ZNF787: variants seen among roughly 807,000 people sequenced by gnomAD.
The protein encoded by ZNF787 is zinc finger protein 787, also known as TTF-I-interacting peptide 20.
ZNF787 carries 7 observed loss-of-function variants against 16.9 expected under a neutral mutation model. The ratio of observed to expected loss-of-function variants is 0.42; its 90% CI spans 0.24 to 0.78. The LOEUF (loss-of-function observed/expected upper bound fraction) is 0.78, where lower values mean the gene tolerates loss of function less well. Among genes scored for constraint, ZNF787 ranks in the 30% least tolerant of loss-of-function variants. The pLI is 0.30. For missense variants in ZNF787, 551 were observed against 589.3 expected, an observed-to-expected ratio of 0.94 and a Z score of 0.67; for synonymous variants, 345 against 270.9, an observed-to-expected ratio of 1.27 and a Z score of -2.69.
intron 1 of ZNF787, 127 bp from the exon 2 acceptor site, chr19:56,103,354 G>T: frequency 1.3e-6 from 1 of 760,552 alleles, no homozygotes; most frequent in Non-Finnish European, 2.0e-6. Flanking sequence ...AAGGCACACA[G>T]CACCTACCCC....
chr19:56,099,749 G>A (rs369351892), intron 2 of ZNF787, among the ~76,000 whole-genome samples: 26 of 149,986 alleles, frequency 1.7e-4, no homozygotes, highest in South Asian at 1.5e-3. Context: ...GAGAAAGGAC[G>A]AGTCACACAA....
At position 56,087,972 on chromosome 19, in the gene ZNF787, C is replaced by T. The variant is rs1453863265; in HGVS notation, c.*51G>A. 1.5e-5 allele frequency: 20 copies of T among 1,300,120 alleles called. No homozygotes were observed. Among genetic ancestry groups the T allele is most frequent in the Middle Eastern group, 5.9e-4 (2 of 3,378 alleles). The allele number at this position is 1,300,120 out of a possible 1,614,324, so 80.5% of individuals were successfully genotyped here. ...GGTCTCTTGGTCTTGCACGTCGTCG[C>T]TCCCGCCAAGCCCGAGGGGCCCTGC... is the stretch of plus-strand genomic sequence containing the variant. On this transcript the variant is annotated 3_prime_UTR_variant, in exon 3 of 3. Coordinates refer to ENST00000610935, the MANE Select transcript of ZNF787 (RefSeq NM_001002836.4).
At chr19:56,112,727 A>T (rs937545222) in intron 1 of ZNF787, among the ~76,000 whole-genome samples, 2 of 150,416 alleles carry the variant, frequency 1.3e-5, no homozygotes, top group African/African-American at 4.9e-5. Flanking sequence ...TCATCCTCCA[A>T]CCACTGGGCT....
At position 56,111,952 on chromosome 19, in the gene ZNF787, C is replaced by T. The variant is rs1354903126; in HGVS notation, c.-10-8725G>A. 3.3e-5 allele frequency among the ~76,000 whole-genome samples: 5 copies of T among 152,286 alleles called. No individual in the cohort carries two copies. The East Asian group carries it at 9.7e-4, about 29-fold the overall frequency. On this transcript the variant is annotated intron_variant, in intron 1 of 2. Transcript: ENST00000610935. Reference sequence around the variant, plus strand: ...CTGAGTGGAGGCTTCTGAGGACTCACCAGGGTTAAGACGGGTGTTCATTCA... The same window carrying T: ...CTGAGTGGAGGCTTCTGAGGACTCATCAGGGTTAAGACGGGTGTTCATTCA...
intron 2 of ZNF787, among the ~76,000 whole-genome samples, chr19:56,098,500 G>GGCCGCAGGGTGATACA (rs1311197361): frequency 3.2e-4 from 48 of 149,828 alleles, no homozygotes; most frequent in African/African-American, 7.7e-4. Context: ...GGGTGATTAC[G>GGCCGCAGGGTGATACA]GCCGCAGGGT....
rs575980350 is a variant in ZNF787, at chr19:56,118,327, TA to T, written c.-11+2844del. On this transcript the variant is annotated intron_variant, in intron 1 of 2. Transcript: ENST00000610935. ...CTGAACCAGCCAGCAGCCCTGCGTG[TA>T]GGAGTCCTCGTGGACAGTACACCCC... Among the ~76,000 whole-genome samples the T allele has an allele frequency of 8.2e-3, 1,243 of 152,300 alleles. 21 individuals are homozygous for T. Among genetic ancestry groups the T allele is most frequent in the African/African-American group, 0.028 (1,182 of 41,566 alleles).
At chr19:56,112,580 A>G (rs1171005275) in intron 1 of ZNF787, among the ~76,000 whole-genome samples, 2 of 133,486 alleles carry the variant, frequency 1.5e-5, no homozygotes, top group Non-Finnish European at 3.2e-5. Flanking sequence ...CTCGGAAGCA[A>G]CTCCTCCTGG....
chr19:56,103,367 G>A, intron 1 of ZNF787, 140 bp from the exon 2 acceptor site: 1 of 673,762 alleles, frequency 1.5e-6, no homozygotes, highest in Non-Finnish European at 2.4e-6. Context: ...CCTACCCCAG[G>A]ACACCGAGAA....
At chr19:56,089,649 T>C (rs995091658) in intron 2 of ZNF787, among the ~76,000 whole-genome samples, 1 of 152,072 alleles carries the variant, frequency 6.6e-6, no homozygotes, top group Non-Finnish European at 1.5e-5. Flanking sequence ...GGTAATGGGA[T>C]TGGAGATGAG....
At chr19:56,107,886 T>C (rs1490696816) in intron 1 of ZNF787, among the ~76,000 whole-genome samples, 1 of 148,752 alleles carries the variant, frequency 6.7e-6, no homozygotes, top group Admixed American at 6.6e-5. Context: ...AAGAGAGAGC[T>C]TGAAGGCCGG....
At chr19:56,112,407 C>A (rs1033034512) in intron 1 of ZNF787, among the ~76,000 whole-genome samples, 1 of 152,148 alleles carries the variant, frequency 6.6e-6, no homozygotes, top group Non-Finnish European at 1.5e-5. Context: ...ACCTGGAGCA[C>A]GGGCAGGGGT....
chr19:56,094,417 A>C (rs1358224980), intron 2 of ZNF787, among the ~76,000 whole-genome samples: 2 of 149,414 alleles, frequency 1.3e-5, no homozygotes, highest in East Asian at 2.0e-4. Context: ...CAAGTGATCC[A>C]CCAGCCTTGG....
Position 56,112,600 on chromosome 19 carries a change from G to A in ZNF787, c.-11+8572C>T, listed in dbSNP as rs574186540. Among the ~76,000 whole-genome samples, 4 of 147,790 alleles carry A rather than the reference G, an allele frequency of 2.7e-5. No individual in the cohort carries two copies. The South Asian group carries it at 8.7e-4, about 32-fold the overall frequency. ...AAGCAACTCCTCCTGGCCCTCCGTG[G>A]CCCTCCCTGCCCAGAAACTTCTCTG... On this transcript the variant is annotated intron_variant, in intron 1 of 2. Coordinates refer to ENST00000610935, the MANE Select transcript of ZNF787 (RefSeq NM_001002836.4).
At chr19:56,118,822 G>A (rs934907068) in intron 1 of ZNF787, among the ~76,000 whole-genome samples, 10 of 152,094 alleles carry the variant, frequency 6.6e-5, no homozygotes, top group Non-Finnish European at 1.3e-4. Flanking sequence ...AGCTGTGTAT[G>A]CCTAGTAACA....
In ZNF787 at chr19:56,087,836, T is replaced by A; in HGVS notation, c.*187A>T. ...GGGGCAGAGTCTCGAGGCGGAGAAGTGAACGGGCCCTAATACGCCCCAGTG... is the reference window on the plus strand; with the variant it reads ...GGGGCAGAGTCTCGAGGCGGAGAAGAGAACGGGCCCTAATACGCCCCAGTG... On this transcript the variant is annotated 3_prime_UTR_variant, in exon 3 of 3. Coordinates refer to ENST00000610935, the MANE Select transcript of ZNF787 (RefSeq NM_001002836.4). 1.0e-6 allele frequency: 1 copy of A among 953,564 alleles called. No homozygotes were observed. Among genetic ancestry groups the A allele is most frequent in the Non-Finnish European group, 1.4e-6 (1 of 736,700 alleles). The allele number at this position is 953,564 out of a possible 1,614,324, so 59.1% of individuals were successfully genotyped here. A position where few individuals can be genotyped will look rare whatever the true frequency, so the allele number is the denominator to read the frequency against.
intron 2 of ZNF787, among the ~76,000 whole-genome samples, chr19:56,091,208 T>C (rs1599938849): frequency 6.6e-6 from 1 of 152,212 alleles, no homozygotes; most frequent in East Asian, 1.9e-4. Flanking sequence ...GGAAAGAGAT[T>C]TGTTGTCACC....
At chr19:56,099,733 G>GAAA (rs1986020976) in intron 2 of ZNF787, among the ~76,000 whole-genome samples, 2 of 106,672 alleles carry the variant, frequency 1.9e-5, no homozygotes, top group African/African-American at 6.0e-5. Flanking sequence ...AAAGAAAAGA[G>GAAA]AGAGAGAGAA....
At chr19:56,097,692 C>T (rs907337847) in intron 2 of ZNF787, among the ~76,000 whole-genome samples, 7 of 152,236 alleles carry the variant, frequency 4.6e-5, no homozygotes, top group African/African-American at 7.2e-5. Flanking sequence ...CGTGCAGGCA[C>T]GGCGCGAGGG....
intron 1 of ZNF787, among the ~76,000 whole-genome samples, chr19:56,116,958 TGATCCTGG>T (rs1654538300): frequency 6.6e-6 from 1 of 152,192 alleles, no homozygotes; most frequent in African/African-American, 2.4e-5. Context: ...ACATAAGCTC[TGATCCTGG>T]GCCCCACAAT....
Sources: allele counts gnomAD v4.1 joint callset (sites outside exome capture counted in the v4.1 genomes callset), GRCh38; gene constraint gnomAD v4.1.1; transcripts MANE v1.5; gene names NCBI Gene and HGNC (gene_info 2026-07-23, HGNC 2026-07-21).